Variants in TEC observed in about 807,000 individuals in gnomAD.
TEC encodes tec protein tyrosine kinase.
TEC carries 72 observed loss-of-function variants against 93.0 expected under a neutral mutation model. That is an observed-to-expected ratio of 0.77 (90% CI 0.64 to 0.94). TEC has a LOEUF of 0.94. Among genes scored for constraint, TEC ranks in the 40% least tolerant of loss-of-function variants. The pLI, the probability that TEC is intolerant of heterozygous loss-of-function variation, is 0.00. For missense variants in TEC, 630 were observed against 757.9 expected, an observed-to-expected ratio of 0.83 and a Z score of 1.98; for synonymous variants, 249 against 247.7, an observed-to-expected ratio of 1.01 and a Z score of -0.05.
chr4:48,179,329 A>T (rs1721460940), intron 2 of TEC, among the ~76,000 whole-genome samples: 1 of 124,334 alleles, frequency 8.0e-6, no homozygotes, highest in Admixed American at 8.7e-5. Flanking sequence ...TCATGTAATG[A>T]CGTGGGTAGT....
intron 2 of TEC, among the ~76,000 whole-genome samples, chr4:48,225,560 C>A (rs985583566): frequency 6.6e-6 from 1 of 152,114 alleles, no homozygotes; most frequent in Non-Finnish European, 1.5e-5. Flanking sequence ...GTGAACTGAG[C>A]ACATTAGCAC....
At chr4:48,198,547 C>T (rs1722382179) in intron 2 of TEC, among the ~76,000 whole-genome samples, 2 of 152,166 alleles carry the variant, frequency 1.3e-5, no homozygotes, top group Admixed American at 6.5e-5. Context: ...TACAATTTAC[C>T]AATTTACTAC....
chr4:48,212,110 A>ATATATATATATAT (rs1553892128), intron 2 of TEC, among the ~76,000 whole-genome samples: 2 of 122,266 alleles, frequency 1.6e-5, no homozygotes, highest in Non-Finnish European at 3.4e-5. Context: ...AAAAAAAAAA[A>ATATATATATATAT]ATATATATAT....
intron 1 of TEC, among the ~76,000 whole-genome samples, chr4:48,233,232 A>C (rs1455666687): frequency 6.6e-6 from 1 of 152,184 alleles, no homozygotes; most frequent in Non-Finnish European, 1.5e-5. Context: ...AAAGTCTTGA[A>C]GACACAGACA....
intron 5 of TEC, among the ~76,000 whole-genome samples, chr4:48,169,916 A>C (rs1175445012): frequency 1.3e-5 from 2 of 152,178 alleles, no homozygotes; most frequent in African/African-American, 4.8e-5. Context: ...CTGCTACATG[A>C]GGTTTCTAGC....
At chr4:48,156,403 T>C (rs1221628344) in intron 9 of TEC, among the ~76,000 whole-genome samples, 1 of 152,198 alleles carries the variant, frequency 6.6e-6, no homozygotes, top group Non-Finnish European at 1.5e-5. Flanking sequence ...GTTTGCTATA[T>C]AAAGAATAAT....
intron 2 of TEC, among the ~76,000 whole-genome samples, chr4:48,213,564 C>T (rs1722978068): frequency 6.6e-6 from 1 of 152,122 alleles, no homozygotes. Context: ...TGTTTCTAAG[C>T]TCCTTTCTGC....
At chr4:48,206,932 C>G (rs887464202) in intron 2 of TEC, among the ~76,000 whole-genome samples, 1 of 152,048 alleles carries the variant, frequency 6.6e-6, no homozygotes, top group African/African-American at 2.4e-5. Context: ...GCTCTCCAAC[C>G]TGGGTAACAG....
chr4:48,210,496 T>TGGAGGAGGA (rs112088688), intron 2 of TEC, among the ~76,000 whole-genome samples: 3,294 of 147,776 alleles, frequency 0.022, 46 homozygotes, highest in Middle Eastern at 0.045. Context: ...ATAAAAAAAA[T>TGGAGGAGGA]GGAGGAGGAG....
chr4:48,197,601 T>A (rs1722344372), intron 2 of TEC, among the ~76,000 whole-genome samples: 1 of 152,210 alleles, frequency 6.6e-6, no homozygotes, highest in African/African-American at 2.4e-5. Flanking sequence ...AGACATTCAT[T>A]CTTATCACCA....
intron 2 of TEC, among the ~76,000 whole-genome samples, chr4:48,189,932 G>A (rs1193029079): frequency 6.6e-6 from 1 of 151,952 alleles, no homozygotes; most frequent in Non-Finnish European, 1.5e-5. Context: ...GCAACAGAAA[G>A]GACTCCCACT....
Position 48,171,398 on chromosome 4 carries a change from T to A in TEC, c.295A>T (p.Arg99Trp). The A allele has an allele frequency of 2.5e-6, 4 of 1,613,820 alleles. No individual in the cohort carries two copies. The highest frequency in any genetic ancestry group is 3.4e-6 in the Non-Finnish European group (4 of 1,179,904). Reference sequence around the variant, plus strand: ...TTTAACTTCTTCACCCACAGGTCCCTGCTTTGTGGACTAGGTGCAAAAATG... The same window carrying A: ...TTTAACTTCTTCACCCACAGGTCCCAGCTTTGTGGACTAGGTGCAAAAATG... ...LYIFAPSPQS[R>W]DLWVKKLKEE... Residue 99 changes from arginine to tryptophan, a missense_variant, in exon 4 of 18, where the codon AGG becomes TGG. Arg to Trp is a moderately radical substitution (Grantham distance 101). This residue lies in a region of TEC where 335 missense variants were observed against 351.5 expected (regional missense o/e 0.95). Transcript: ENST00000381501.
At chr4:48,210,016 C>T (rs1722845001) in intron 2 of TEC, among the ~76,000 whole-genome samples, 1 of 152,114 alleles carries the variant, frequency 6.6e-6, no homozygotes, top group African/African-American at 2.4e-5. Context: ...AGCTTAAACA[C>T]TTTGGAGGAG....
intron 2 of TEC, among the ~76,000 whole-genome samples, chr4:48,192,236 C>G (rs977941204): frequency 3.9e-5 from 6 of 152,100 alleles, no homozygotes; most frequent in Non-Finnish European, 8.8e-5. Context: ...GTGATAGAAG[C>G]TAGTCTAAAA....
intron 1 of TEC, among the ~76,000 whole-genome samples, chr4:48,235,432 A>C (rs180810321): frequency 5.4e-4 from 83 of 152,360 alleles, no homozygotes; most frequent in African/African-American, 1.9e-3. Flanking sequence ...ATTGGAGAAT[A>C]GCAGTGGAAA....
Position 48,209,285 on chromosome 4 carries a change from A to G in TEC, c.138+19192T>C, listed in dbSNP as rs1470213832. 2.0e-5 allele frequency among the ~76,000 whole-genome samples: 3 copies of G among 152,160 alleles called. No individual in the cohort carries two copies. In the East Asian group the frequency reaches 5.8e-4, roughly 29 times the overall value. On this transcript the variant is annotated intron_variant, in intron 2 of 17. Coordinates refer to ENST00000381501, the MANE Select transcript of TEC (RefSeq NM_003215.3). ...GTTGATGATAGAAAACTATGTCTCT[A>G]TGTAACAGTCAGACGTAGCAGAGTA... is the stretch of plus-strand genomic sequence containing the variant.
At chr4:48,264,056 T>C (rs553613201) in intron 1 of TEC, among the ~76,000 whole-genome samples, 50 of 152,188 alleles carry the variant, frequency 3.3e-4, no homozygotes, top group African/African-American at 1.2e-3. Flanking sequence ...CCTAAGACAA[T>C]GACAATAAAG....
At chr4:48,198,754 T>C (rs747421760) in intron 2 of TEC, among the ~76,000 whole-genome samples, 31 of 152,174 alleles carry the variant, frequency 2.0e-4, no homozygotes, top group Non-Finnish European at 3.1e-4. Flanking sequence ...GGAAAAAATA[T>C]ATTTTTTTCT....
At chr4:48,256,738 A>C (rs1376915296) in intron 1 of TEC, among the ~76,000 whole-genome samples, 5 of 152,162 alleles carry the variant, frequency 3.3e-5, no homozygotes, top group African/African-American at 4.8e-5. Flanking sequence ...ATGACATCTC[A>C]GAATTTTGTA....
Sources: allele counts gnomAD v4.1 joint callset (sites outside exome capture counted in the v4.1 genomes callset), GRCh38; gene constraint gnomAD v4.1.1; regional missense constraint gnomAD v4.1.1; transcripts MANE v1.5; gene names NCBI Gene and HGNC (gene_info 2026-07-23, HGNC 2026-07-21).